SCN11A: variants seen among roughly 807,000 people sequenced by gnomAD.
SCN11A encodes the protein sodium channel protein type 11 subunit alpha.
A neutral mutation model predicts 162.2 loss-of-function variants in SCN11A; 122 were observed. That is an observed-to-expected ratio of 0.75 (90% confidence interval 0.65 to 0.87). The LOEUF is 0.87. Among genes scored for constraint, SCN11A ranks in the 40% least tolerant of loss-of-function variants. The pLI, the probability that SCN11A is intolerant of heterozygous loss-of-function variation, is 0.00. For missense variants in SCN11A, 2,015 were observed against 2,181.6 expected (o/e 0.92, Z 1.52); for synonymous variants, 758 against 751.5 (o/e 1.01, Z -0.14).
chr3:38,919,853 G>T, intron 11 of SCN11A, 82 bp downstream of exon 11: 2 of 937,670 alleles, frequency 2.1e-6, no homozygotes, highest in Non-Finnish European at 1.7e-6. Context: ...GTGTCCACCA[G>T]TCATTAAAGA....
In SCN11A at chr3:38,886,258, A is replaced by G; in HGVS notation, c.2836-20T>C. 1.3e-6 allele frequency: 2 copies of G among 1,488,158 alleles called. No homozygotes were observed. Among genetic ancestry groups the G allele is most frequent in the South Asian group, 2.3e-5 (2 of 87,574 alleles). The allele number at this position is 1,488,158 out of a possible 1,614,324, so 92.2% of individuals were successfully genotyped here. ...ATAGGCCTAACACAGAGAGCCCAGA[A>G]TAGAATTAATATTCCTCCTGGACAT... On this transcript the variant is annotated intron_variant, in intron 19 of 29. Coordinates refer to ENST00000302328, the MANE Select transcript of SCN11A (RefSeq NM_001349253.2).
chr3:38,878,317 G>C (rs2065254056), intron 23 of SCN11A, among the ~76,000 whole-genome samples: 1 of 151,918 alleles, frequency 6.6e-6, no homozygotes, highest in Non-Finnish European at 1.5e-5. Context: ...TATGTATTCA[G>C]TGAATTTGGG....
At chr3:39,017,849 TATGGGTCATA>T in intron 2 of SCN11A, among the ~76,000 whole-genome samples, 1 of 152,372 alleles carries the variant, frequency 6.6e-6, no homozygotes, top group East Asian at 1.9e-4. Flanking sequence ...ATCTCCTTAT[TATGGGTCATA>T]TTTTCCTACT....
chr3:38,915,520 C>T (rs113755795), intron 11 of SCN11A, among the ~76,000 whole-genome samples: 1,939 of 152,130 alleles, frequency 0.013, 41 homozygotes, highest in African/African-American at 0.044. Context: ...TCATTAGTTC[C>T]AAAAAACTTC....
At chr3:38,932,488 G>A (rs550690241) in intron 7 of SCN11A, among the ~76,000 whole-genome samples, 2 of 152,312 alleles carry the variant, frequency 1.3e-5, no homozygotes, top group East Asian at 3.9e-4. Context: ...GGTGAGAGAC[G>A]GCACCTGGAA....
rs1290434132 is a variant in SCN11A at position 38,886,212 on chromosome 3, C to T, written c.2862G>A (p.Lys954=). The T allele has an allele frequency of 1.2e-6, 2 of 1,612,732 alleles. No individual in the cohort carries two copies. Among genetic ancestry groups the T allele is most frequent in the Non-Finnish European group, 1.7e-6 (2 of 1,179,746 alleles). The part of the protein sequence containing the change: ...QQAYELHQEN[K]KPTSQRVQSV... Reference sequence around the variant, plus strand: ...TTTGAACTCTCTGGCTCGTGGGCTTCTTGTTCTCCTGATGGAGCTCATAGG... The same window carrying T: ...TTTGAACTCTCTGGCTCGTGGGCTTTTTGTTCTCCTGATGGAGCTCATAGG... The change falls in exon 20 of 30, where the codon AAG becomes AAA. Residue 954 remains lysine (K), a synonymous_variant. Transcript: ENST00000302328.
intron 2 of SCN11A, among the ~76,000 whole-genome samples, chr3:38,995,807 A>ATCTGTCTG (rs1553648581): frequency 6.9e-6 from 1 of 145,500 alleles, no homozygotes; most frequent in African/African-American, 2.7e-5. Flanking sequence ...TTGTCTATCT[A>ATCTGTCTG]TCTATCTATC....
rs559451579 is a variant in SCN11A at position 38,938,324 on chromosome 3, T to C, written c.488+7087A>G. ...GCAGCACACCAGCATGGCACATGTA[T>C]ACATATGTAACTAACCTGCACATTG... is the stretch of plus-strand genomic sequence containing the variant. On this transcript the variant is annotated intron_variant, in intron 7 of 29. Transcript: ENST00000302328. Among the ~76,000 whole-genome samples, 344 of 151,394 alleles carry C rather than the reference T, an allele frequency of 2.3e-3. 1 individual carries two copies. The highest frequency in any genetic ancestry group is 3.8e-3 in the Non-Finnish European group (255 of 67,836).
At chr3:38,866,116 A>G (rs1195877415) in intron 27 of SCN11A, among the ~76,000 whole-genome samples, 1 of 152,234 alleles carries the variant, frequency 6.6e-6, no homozygotes, top group African/African-American at 2.4e-5. Context: ...AAGAAATTTA[A>G]AAACAACCTA....
intron 2 of SCN11A, among the ~76,000 whole-genome samples, chr3:38,992,533 C>G (rs2030484422): frequency 1.3e-5 from 2 of 152,224 alleles, no homozygotes; most frequent in African/African-American, 2.4e-5. Flanking sequence ...CATTACATCT[C>G]TCTTGCTCAT....
chr3:38,905,211 G>A lies in SCN11A; in HGVS notation c.1584C>T (p.Ile528=), dbSNP rs748663651. ...QRQRALSAVS[I]LTITMKEQEK... ...ACTTACCCTTCATGGTGATGGTGAG[G>A]ATGCTGACAGCACTCAGTGCTCTCT... The change falls in exon 15 of 30, where the codon ATC becomes ATT. Residue 528 remains isoleucine (I), a synonymous_variant. Transcript: ENST00000302328. 3 of 1,613,932 alleles carry A rather than the reference G, an allele frequency of 1.9e-6. No individual in the cohort carries two copies. Among genetic ancestry groups the A allele is most frequent in the Non-Finnish European group, 2.5e-6 (3 of 1,179,950 alleles).
intron 2 of SCN11A, among the ~76,000 whole-genome samples, chr3:39,010,137 A>G (rs922266838): frequency 6.6e-6 from 1 of 152,106 alleles, no homozygotes; most frequent in South Asian, 2.1e-4. Context: ...TCAACAGATA[A>G]TAACTAATTC....
In SCN11A at chr3:38,951,802, G is replaced by A. The variant is rs573471437; in HGVS notation, c.-7-1433C>T. On this transcript the variant is annotated intron_variant, in intron 4 of 29. Transcript: ENST00000302328. ...TATCTAACTAATCTGATGGGGACGT[G>A]GAGAACCTTTGTATCTAGCTCAGGG... is the stretch of plus-strand genomic sequence containing the variant. Among the ~76,000 whole-genome samples, 3 of 152,284 alleles carry A rather than the reference G, an allele frequency of 2.0e-5. No homozygotes were observed. In the South Asian group the frequency reaches 6.2e-4, roughly 32 times the overall value.
At chr3:38,996,720 G>A (rs2030642849) in intron 2 of SCN11A, among the ~76,000 whole-genome samples, 1 of 152,086 alleles carries the variant, frequency 6.6e-6, no homozygotes, top group African/African-American at 2.4e-5. Context: ...GGTATATTGC[G>A]AAGATGGCAA....
chr3:38,909,095 T>C lies in SCN11A; in HGVS notation c.1201A>G (p.Met401Val), dbSNP rs201229760. 57 of 1,614,096 alleles carry C rather than the reference T, an allele frequency of 3.5e-5. No homozygotes were observed. The highest frequency in any genetic ancestry group is 3.1e-4 in the East Asian group (14 of 44,878). ...LINLTLAVVT[M>V]AYEEQNKNVA... ...TTCTTGTTCTGCTCCTCATATGCCA[T>C]GGTAACAACAGCCAGGGTTAAGTTA... Residue 401 changes from methionine to valine, a missense_variant, in exon 13 of 30, where the codon ATG (methionine) becomes GTG (valine). By Grantham distance (21) the Met-to-Val change is conservative (BLOSUM62 1). Coordinates refer to ENST00000302328, the MANE Select transcript of SCN11A (RefSeq NM_001349253.2).
intron 11 of SCN11A, among the ~76,000 whole-genome samples, chr3:38,917,751 C>T (rs1012148965): frequency 1.3e-5 from 2 of 152,090 alleles, no homozygotes; most frequent in Admixed American, 6.6e-5. Flanking sequence ...ATAATCTGTA[C>T]ACAAATTTAC....
rs2066373916 is a variant in SCN11A at position 38,938,507 on chromosome 3, ATCATATATATATAT to A, written c.488+6890_488+6903del. ...AATAAAAGAAGGCAGAAGGAAAAAT[ATCATATATATATAT>A]ATATATATATATATATATATATATA... On this transcript the variant is annotated intron_variant, in intron 7 of 29. Coordinates refer to ENST00000302328, the MANE Select transcript of SCN11A (RefSeq NM_001349253.2). Among the ~76,000 whole-genome samples the A allele has an allele frequency of 2.6e-4, 28 of 105,826 alleles. 1 individual carries two copies. The highest frequency in any genetic ancestry group is 6.5e-4 in the South Asian group (2 of 3,068). 69.4% of individuals were successfully genotyped at this position (105,826 alleles called of 152,430 possible).
intron 2 of SCN11A, among the ~76,000 whole-genome samples, chr3:38,983,879 C>T (rs2030143812): frequency 6.6e-6 from 1 of 152,230 alleles, no homozygotes; most frequent in African/African-American, 2.4e-5. Flanking sequence ...GATAAACTTA[C>T]ACATTACAAA....
intron 23 of SCN11A, among the ~76,000 whole-genome samples, chr3:38,872,626 A>C (rs1160557346): frequency 6.6e-6 from 1 of 152,204 alleles, no homozygotes; most frequent in Non-Finnish European, 1.5e-5. Context: ...CATAACAAAG[A>C]TCTTTATGGT....
Sources: gnomAD v4.1 joint callset for allele counts (sites outside exome capture counted in the v4.1 genomes callset) on GRCh38, gnomAD v4.1.1 for gene constraint, MANE v1.5 for transcripts, NCBI Gene and HGNC (gene_info 2026-07-23, HGNC 2026-07-21) for gene names.